WAC: variants seen among roughly 807,000 people sequenced by gnomAD.
The protein encoded by WAC is WW domain containing adaptor with coiled-coil.
WAC carries 11 observed loss-of-function variants against 79.6 expected under a neutral mutation model. The ratio of observed to expected loss-of-function variants is 0.14; its 90% CI spans 0.09 to 0.23. WAC has a LOEUF of 0.23. Among genes scored for constraint, WAC ranks in the 10% least tolerant of loss-of-function variants. The pLI is 1.00. For missense variants in WAC, 728 were observed against 773.5 expected (o/e 0.94, Z 0.70); for synonymous variants, 304 against 276.9 (o/e 1.10, Z -0.97).
rs1004459811 is a variant in WAC at position 28,611,913 on chromosome 10, A to C, written c.1428A>C (p.Ser476=). 1 of 1,613,332 alleles carries C rather than the reference A, an allele frequency of 6.2e-7. No individual in the cohort carries two copies. The highest frequency in any genetic ancestry group is 8.5e-7 in the Non-Finnish European group (1 of 1,179,864). The part of the protein sequence containing the change: ...KPLISTPPVS[S]QPKVSTPVVK... ...TGATCAGTACTCCTCCTGTTTCATC[A>C]CAGCCAAAGGTATGTCACCTTTGAG... Residue 476 remains serine (S), a synonymous_variant, in exon 10 of 14, where the codon TCA becomes TCC. Coordinates refer to ENST00000354911, the MANE Select transcript of WAC (RefSeq NM_016628.5).
chr10:28,546,910 T>TCTAA (rs1387273615), intron 3 of WAC, among the ~76,000 whole-genome samples: 2 of 152,062 alleles, frequency 1.3e-5, no homozygotes, highest in Non-Finnish European at 2.9e-5. Flanking sequence ...ATTTTAAAAA[T>TCTAA]CTAAATGAAT....
chr10:28,541,414 TG>T (rs1564372739), intron 3 of WAC, among the ~76,000 whole-genome samples: 31 of 67,046 alleles, frequency 4.6e-4, no homozygotes, highest in Non-Finnish European at 7.6e-4. Flanking sequence ...TGTGTGTGTG[TG>T]TTTTGTTTTT....
At chr10:28,611,157 C>A in intron 9 of WAC, 1 of 801,174 alleles carries the variant, frequency 1.2e-6, no homozygotes, top group Non-Finnish European at 1.8e-6. Flanking sequence ...CTTTGTGAAA[C>A]ATTGCATGTA....
rs1840051310 is a variant in WAC, at chr10:28,590,959, G to A, written c.610+127G>A. On this transcript the variant is annotated intron_variant, in intron 6 of 13. Coordinates refer to ENST00000354911, the MANE Select transcript of WAC (RefSeq NM_016628.5). ...TAGAAACATACGGAGATTCTTTTATGTTGGATTTATTATACCCTCCACCAT... is the reference window on the plus strand; with the variant it reads ...TAGAAACATACGGAGATTCTTTTATATTGGATTTATTATACCCTCCACCAT... The A allele has an allele frequency of 3.6e-6, 3 of 830,984 alleles. No individual in the cohort carries two copies. In the South Asian group the frequency reaches 4.9e-5, roughly 14 times the overall value. The allele number at this position is 830,984 out of a possible 1,614,324, so 51.5% of individuals were successfully genotyped here.
chr10:28,594,144 C>T (rs1293011841), intron 6 of WAC, among the ~76,000 whole-genome samples: 2 of 151,530 alleles, frequency 1.3e-5, no homozygotes, highest in Non-Finnish European at 2.9e-5. Flanking sequence ...ATAGCGTCCC[C>T]TGTTCCTGTA....
intron 3 of WAC, chr10:28,537,462 C>A (rs117147325): frequency 6.6e-6 from 1 of 152,202 alleles, no homozygotes; most frequent in Non-Finnish European, 1.5e-5. Context: ...CATCTTCTTA[C>A]AAATAGGCTC....
intron 3 of WAC, among the ~76,000 whole-genome samples, chr10:28,540,901 A>G (rs1379199822): frequency 1.3e-5 from 2 of 152,140 alleles, no homozygotes; most frequent in Non-Finnish European, 2.9e-5. Context: ...TTTAGAAAAC[A>G]GTGTCTGTGA....
intron 7 of WAC, 123 bp from the exon 8 acceptor site, chr10:28,608,063 G>C: frequency 9.8e-7 from 1 of 1,023,724 alleles, no homozygotes; most frequent in Non-Finnish European, 1.4e-6. Context: ...GTGTGCTCCA[G>C]TGTGTAAGGG....
At chr10:28,545,442 T>G (rs1837300599) in intron 3 of WAC, among the ~76,000 whole-genome samples, 1 of 152,114 alleles carries the variant, frequency 6.6e-6, no homozygotes, top group Non-Finnish European at 1.5e-5. Context: ...ATCACGCCAT[T>G]ACATTCCACC....
At position 28,608,379 on chromosome 10, in the gene WAC, A is replaced by G. The variant is rs1025286748; in HGVS notation, c.1113A>G (p.Gln371=). The G allele has an allele frequency of 3.7e-6, 6 of 1,613,464 alleles. No homozygotes were observed. The African/African-American group carries it at 4.0e-5, about 11-fold the overall frequency. ...NLLRQLLPAL[Q]ATLQLNNSNV... The stretch of plus-strand genomic sequence containing the variant: ...TTAGACAATTGCTTCCTGCTTTGCA[A>G]GCCACGCTGCAGCTTAATAATTCTA... Residue 371 remains glutamine (Q), a synonymous_variant, in exon 8 of 14, where the codon CAA becomes CAG. Coordinates refer to ENST00000354911, the MANE Select transcript of WAC (RefSeq NM_016628.5).
chr10:28,567,982 C>G (rs756196005), intron 3 of WAC, among the ~76,000 whole-genome samples: 4 of 152,314 alleles, frequency 2.6e-5, no homozygotes, highest in East Asian at 3.9e-4. Context: ...AAGTGATCCG[C>G]CCACCCTGGC....
chr10:28,585,190 G>A (rs1246683187), intron 4 of WAC, among the ~76,000 whole-genome samples: 1 of 152,110 alleles, frequency 6.6e-6, no homozygotes, highest in Non-Finnish European at 1.5e-5. Flanking sequence ...ACCACTCAAG[G>A]CTATTGAACA....
At chr10:28,589,919 C>A in intron 5 of WAC, 68 bp downstream of exon 5, 1 of 1,157,754 alleles carries the variant, frequency 8.6e-7, no homozygotes, top group Non-Finnish European at 1.3e-6. Flanking sequence ...CATCTTACAG[C>A]ATTAAACATT....
intron 3 of WAC, among the ~76,000 whole-genome samples, chr10:28,571,870 CTA>C (rs1442024571): frequency 6.6e-6 from 1 of 152,158 alleles, no homozygotes; most frequent in Non-Finnish European, 1.5e-5. Context: ...AGTTTTTTAG[CTA>C]TATTACTTGC....
intron 3 of WAC, among the ~76,000 whole-genome samples, chr10:28,578,020 A>G (rs1260079725): frequency 3.9e-5 from 6 of 152,166 alleles, no homozygotes; most frequent in African/African-American, 4.8e-5. Context: ...TTAGTGGGAC[A>G]TGGTAGCGTA....
chr10:28,551,650 C>T (rs1837675100), intron 3 of WAC, among the ~76,000 whole-genome samples: 1 of 152,088 alleles, frequency 6.6e-6, no homozygotes, highest in Non-Finnish European at 1.5e-5. Flanking sequence ...AATGGTTAAA[C>T]CCATCCCCAA....
intron 3 of WAC, among the ~76,000 whole-genome samples, chr10:28,580,292 T>C (rs1376517983): frequency 1.3e-5 from 2 of 152,184 alleles, no homozygotes; most frequent in Non-Finnish European, 2.9e-5. Flanking sequence ...TCTTTAGAGG[T>C]ATAATTAATT....
chr10:28,617,514 T>G (rs1841524973), intron 12 of WAC, 143 bp from the exon 13 acceptor site: 3 of 661,016 alleles, frequency 4.5e-6, no homozygotes, highest in Non-Finnish European at 6.8e-6. Flanking sequence ...ATTTTCCCCA[T>G]TAGGTTCACC....
At chr10:28,576,139 G>A (rs930338784) in intron 3 of WAC, among the ~76,000 whole-genome samples, 1 of 152,122 alleles carries the variant, frequency 6.6e-6, no homozygotes, top group African/African-American at 2.4e-5. Flanking sequence ...TGCTCAGAAC[G>A]TATCCTTGTC....
Sources: gnomAD v4.1 joint callset for allele counts (sites outside exome capture counted in the v4.1 genomes callset) on GRCh38, gnomAD v4.1.1 for gene constraint, MANE v1.5 for transcripts, NCBI Gene and HGNC (gene_info 2026-07-23, HGNC 2026-07-21) for gene names.